The following RUSC2 variants were observed in gnomAD, a reference collection of about 807,000 sequenced individuals.
The protein encoded by RUSC2 is AP-4 complex accessory subunit RUSC2.
A neutral mutation model predicts 122.2 loss-of-function variants in RUSC2; 34 were observed. That is an observed-to-expected ratio of 0.28 (90% CI 0.21 to 0.37). The LOEUF is 0.37. Among genes scored for constraint, RUSC2 ranks in the 10% least tolerant of loss-of-function variants. The probability of loss-of-function intolerance (pLI) is 1.00; values close to 1 mark genes in which losing one functional copy is unlikely to be tolerated. For missense variants in RUSC2, 1,747 were observed against 1,952.4 expected (o/e 0.89, Z 1.98); for synonymous variants, 784 against 790.0 (o/e 0.99, Z 0.13).
rs556566569 is a variant in RUSC2 at position 35,547,380 on chromosome 9, C to T, written c.859C>T (p.Leu287Phe). ...TGGTGTGCTGGTCACCTTCAGCACC[C>T]TCTACAACAAGATGCATGGCACCCC... ...SDGVLVTFST[L>F]YNKMHGTPRA... is the part of the protein sequence containing the mutation. The change falls in exon 2 of 12, where the codon CTC (leucine) becomes TTC (phenylalanine). Residue 287 changes from leucine to phenylalanine, a missense_variant. Coordinates refer to ENST00000361226, the MANE Select transcript of RUSC2 (RefSeq NM_014806.5). The surrounding 1 kb of genome is among the most constrained non-coding windows in gnomAD (Gnocchi z 4.6). The T allele has an allele frequency of 2.3e-5, 37 of 1,614,186 alleles. No homozygotes were observed. The South Asian group carries it at 3.5e-4, about 15-fold the overall frequency.
intron 1 of RUSC2, among the ~76,000 whole-genome samples, chr9:35,509,655 A>G (rs761858467): frequency 2.0e-5 from 3 of 152,226 alleles, no homozygotes; most frequent in Non-Finnish European, 4.4e-5. Context: ...TGACCATGAC[A>G]TGGTTCCCTG....
At chr9:35,510,815 C>G (rs1452713541) in intron 1 of RUSC2, among the ~76,000 whole-genome samples, 1 of 152,190 alleles carries the variant, frequency 6.6e-6, no homozygotes, top group Non-Finnish European at 1.5e-5. Context: ...TTGGGTGGGC[C>G]CCTAGGGCTT....
intron 1 of RUSC2, among the ~76,000 whole-genome samples, chr9:35,496,063 G>A (rs528817705): frequency 1.3e-5 from 2 of 152,290 alleles, no homozygotes; most frequent in South Asian, 4.1e-4. Flanking sequence ...AGAGAGTGAT[G>A]AGCGAGCTAG....
chr9:35,490,879 G>A (rs1263754180), intron 1 of RUSC2, among the ~76,000 whole-genome samples: 1 of 152,188 alleles, frequency 6.6e-6, no homozygotes, highest in Non-Finnish European at 1.5e-5. Flanking sequence ...CTGTCCTGGG[G>A]GCAAGGACGG....
intron 1 of RUSC2, among the ~76,000 whole-genome samples, chr9:35,529,946 G>A (rs1252083029): frequency 2.6e-5 from 4 of 152,020 alleles, no homozygotes; most frequent in Admixed American, 1.3e-4. Context: ...CATCCATTCA[G>A]TAGCTTTGTT....
Position 35,561,245 on chromosome 9 carries a change from GAC to G in RUSC2, c.4416_4417del (p.Ile1473ProfsTer57). The G allele has an allele frequency of 1.9e-6, 3 of 1,614,214 alleles. No individual in the cohort carries two copies. Among genetic ancestry groups the G allele is most frequent in the Non-Finnish European group, 2.5e-6 (3 of 1,180,034 alleles). ...GPGQLSFHKG[D>X]ILRVLGRAGG... is the part of the protein sequence containing the mutation. Reference sequence around the variant, plus strand: ...TGGACAGCTGAGCTTCCACAAAGGAGACATCCTACGAGTGCTGGGGCGAGCTG... The same window carrying G: ...TGGACAGCTGAGCTTCCACAAAGGAGATCCTACGAGTGCTGGGGCGAGCTG... On this transcript the variant is annotated frameshift_variant, in exon 12 of 12. Transcript: ENST00000361226. LOFTEE classifies it high-confidence loss of function.
intron 9 of RUSC2, 58 bp from the exon 10 acceptor site, chr9:35,559,971 C>A: frequency 7.0e-7 from 1 of 1,433,138 alleles, no homozygotes; most frequent in South Asian, 1.4e-5. Context: ...TTTCAAAGTC[C>A]CACTTGGGCC....
At chr9:35,496,614 G>C (rs937173140) in intron 1 of RUSC2, among the ~76,000 whole-genome samples, 2 of 152,096 alleles carry the variant, frequency 1.3e-5, no homozygotes, top group Non-Finnish European at 2.9e-5. Context: ...TCCCATAAGA[G>C]TTGTTATGAA....
At chr9:35,540,041 G>A (rs1011273862) in intron 1 of RUSC2, among the ~76,000 whole-genome samples, 1 of 152,176 alleles carries the variant, frequency 6.6e-6, no homozygotes, top group Non-Finnish European at 1.5e-5. Flanking sequence ...TCTTTCTGGG[G>A]TTTTCCCGCC....
In RUSC2 at chr9:35,556,151, G is replaced by T; in HGVS notation, c.2842+14G>T. 1 of 1,613,348 alleles carries T rather than the reference G, an allele frequency of 6.2e-7. No individual in the cohort carries two copies. The highest frequency in any genetic ancestry group is 2.2e-5 in the East Asian group (1 of 44,850). On this transcript the variant is annotated intron_variant, in intron 4 of 11. Coordinates refer to ENST00000361226, the MANE Select transcript of RUSC2 (RefSeq NM_014806.5). ...GCCGGCTGAATGGTGTGTGAGCAGG[G>T]TCCCCAGTACACCCGGGGCAGGCTC...
chr9:35,490,697 G>C (rs1189272237), intron 1 of RUSC2, among the ~76,000 whole-genome samples: 1 of 152,144 alleles, frequency 6.6e-6, no homozygotes, highest in Non-Finnish European at 1.5e-5. Flanking sequence ...TCCGCCCGGC[G>C]CCGGCGTTGC....
At chr9:35,512,607 A>G (rs1346849870) in intron 1 of RUSC2, among the ~76,000 whole-genome samples, 1 of 152,194 alleles carries the variant, frequency 6.6e-6, no homozygotes, top group Non-Finnish European at 1.5e-5. Context: ...AAAGAGTCCC[A>G]TCATCCCACT....
At chr9:35,533,156 A>G (rs922876215) in intron 1 of RUSC2, among the ~76,000 whole-genome samples, 2 of 152,082 alleles carry the variant, frequency 1.3e-5, no homozygotes, top group African/African-American at 4.8e-5. Flanking sequence ...CTGAGGCACG[A>G]GAATCGCTTG....
intron 1 of RUSC2, among the ~76,000 whole-genome samples, chr9:35,526,443 T>G (rs1156911437): frequency 6.6e-6 from 1 of 152,340 alleles, no homozygotes; most frequent in South Asian, 2.1e-4. Flanking sequence ...GGGTATTTAC[T>G]GTATGTCAGG....
Position 35,558,076 on chromosome 9 carries a change from T to G in RUSC2, c.3060+86T>G. 1 of 1,584,034 alleles carries G rather than the reference T, an allele frequency of 6.3e-7. No homozygotes were observed. Among genetic ancestry groups the G allele is most frequent in the Non-Finnish European group, 8.7e-7 (1 of 1,154,182 alleles). ...CCACCTTCCCTTGCTGTCTTGCATT[T>G]AGAGCCCAGGGTTGGGTACTTAGGA... is the stretch of plus-strand genomic sequence containing the variant. On this transcript the variant is annotated intron_variant, in intron 6 of 11. Transcript: ENST00000361226. This position sits in a 1 kb window ranked among gnomAD's most constrained non-coding sequence, Gnocchi z 4.3.
chr9:35,506,420 C>T (rs1016779200), intron 1 of RUSC2, among the ~76,000 whole-genome samples: 4 of 152,184 alleles, frequency 2.6e-5, no homozygotes, highest in Admixed American at 6.5e-5. Flanking sequence ...CCCCACAATT[C>T]GTGATAGGCT....
rs760988296 is a variant in RUSC2 at position 35,560,854 on chromosome 9, G to A, written c.4211+3G>A. The A allele has an allele frequency of 1.9e-6, 3 of 1,545,098 alleles. No homozygotes were observed. Among genetic ancestry groups the A allele is most frequent in the Non-Finnish European group, 2.6e-6 (3 of 1,147,956 alleles). On this transcript the variant is annotated splice_donor_region_variant and intron_variant, in intron 10 of 11. Transcript: ENST00000361226. ...CGGGAGGCCCGGCCCACAAATAGGTGAGAGCCTGCCCATGGTAGGGATGGA... is the reference window on the plus strand; with the variant it reads ...CGGGAGGCCCGGCCCACAAATAGGTAAGAGCCTGCCCATGGTAGGGATGGA...
In RUSC2 at chr9:35,558,844, ATCCTCTCCATTCC is replaced by A. The variant is rs1822080803; in HGVS notation, c.3341+278_3341+290del. On this transcript the variant is annotated intron_variant, in intron 8 of 11. Transcript: ENST00000361226. This position sits in a 1 kb window ranked among gnomAD's most constrained non-coding sequence, Gnocchi z 4.3. The stretch of plus-strand genomic sequence containing the variant: ...ATTTCTCTGGACCTTGTAAACCCTG[ATCCTCTCCATTCC>A]AGCACTACTTCCAAATCCTGCTTGA... Among the ~76,000 whole-genome samples, 1 of 152,176 alleles carries A rather than the reference ATCCTCTCCATTCC, an allele frequency of 6.6e-6. No homozygotes were observed. The highest frequency in any genetic ancestry group is 6.5e-5 in the Admixed American group (1 of 15,276).
chr9:35,517,970 G>C (rs1160895937), intron 1 of RUSC2, among the ~76,000 whole-genome samples: 6 of 152,286 alleles, frequency 3.9e-5, no homozygotes, highest in South Asian at 4.1e-4. Context: ...CAGGTACTCT[G>C]CCCCAGATGA....
Sources: gnomAD v4.1 joint callset for allele counts (sites outside exome capture counted in the v4.1 genomes callset) on GRCh38, gnomAD v4.1.1 for gene constraint, Gnocchi (gnomAD v3.1) non-coding constraint, MANE v1.5 for transcripts, NCBI Gene and HGNC (gene_info 2026-07-23, HGNC 2026-07-21) for gene names.